Variants in DLG2 observed in about 807,000 individuals in gnomAD.
DLG2 encodes the protein discs large MAGUK scaffold protein 2.
A neutral mutation model predicts 132.5 loss-of-function variants in DLG2; 45 were observed. The ratio of observed to expected loss-of-function variants is 0.34; its 90% CI spans 0.27 to 0.44. The LOEUF (loss-of-function observed/expected upper bound fraction) is 0.44. Ranked by LOEUF, DLG2 falls within the 20% of genes least tolerant of loss-of-function variation. DLG2 has a pLI of 1.00. For missense variants in DLG2, 1,045 were observed against 1,196.9 expected (o/e 0.87, Z 1.87); for synonymous variants, 424 against 419.6 (o/e 1.01, Z -0.13).
At chr11:83,788,349 C>T (rs2153892866) in intron 17 of DLG2, among the ~76,000 whole-genome samples, 1 of 152,228 alleles carries the variant, frequency 6.6e-6, no homozygotes, top group African/African-American at 2.4e-5. Context: ...TGGTGAACTC[C>T]TTACAGAAAG....
intron 3 of DLG2, among the ~76,000 whole-genome samples, chr11:85,534,309 A>G (rs1435499862): frequency 1.3e-5 from 2 of 152,206 alleles, no homozygotes; most frequent in African/African-American, 4.8e-5. Context: ...TTAACTAAAA[A>G]AAGGTCTTTT....
chr11:85,424,061 C>A (rs1210581777), intron 3 of DLG2, among the ~76,000 whole-genome samples: 1 of 152,148 alleles, frequency 6.6e-6, no homozygotes, highest in Non-Finnish European at 1.5e-5. Context: ...CCCCATGAGG[C>A]CAGGCAAAAA....
intron 5 of DLG2, chr11:85,133,056 C>A (rs2075855529): frequency 2.9e-6 from 1 of 343,610 alleles, no homozygotes; most frequent in African/African-American, 2.1e-5. Context: ...GGCTCCGTGG[C>A]TGCATGGTCT....
chr11:83,683,407 G>A (rs1262877407), intron 18 of DLG2, among the ~76,000 whole-genome samples: 1 of 152,096 alleles, frequency 6.6e-6, no homozygotes, highest in African/African-American at 2.4e-5. Context: ...ACGCAATTTA[G>A]TTTCAAAGCC....
chr11:84,341,145 T>C (rs554181739), intron 7 of DLG2, among the ~76,000 whole-genome samples: 7 of 152,246 alleles, frequency 4.6e-5, no homozygotes, highest in African/African-American at 1.4e-4. Flanking sequence ...TGTGAGATCA[T>C]TACTTCTCTG....
chr11:83,578,951 A>T (rs535809), intron 19 of DLG2, among the ~76,000 whole-genome samples: 1 of 151,974 alleles, frequency 6.6e-6, no homozygotes, highest in Admixed American at 6.5e-5. Context: ...AGCATTCAAG[A>T]CCTGCCTAGT....
chr11:85,052,532 T>C (rs1321253538), intron 6 of DLG2, among the ~76,000 whole-genome samples: 2 of 152,188 alleles, frequency 1.3e-5, no homozygotes, highest in East Asian at 1.9e-4. Flanking sequence ...AACTTGGTAA[T>C]GAATTTATAA....
At chr11:84,581,160 C>G (rs188974852) in intron 6 of DLG2, among the ~76,000 whole-genome samples, 100 of 152,222 alleles carry the variant, frequency 6.6e-4, no homozygotes, top group African/African-American at 2.4e-3. Context: ...ACCACATAGG[C>G]AAACAATAAT....
At chr11:84,541,985 C>T (rs1455066076) in intron 6 of DLG2, among the ~76,000 whole-genome samples, 1 of 152,122 alleles carries the variant, frequency 6.6e-6, no homozygotes, top group Non-Finnish European at 1.5e-5. Context: ...TGGAAGATGG[C>T]ATTTTGCTGG....
intron 7 of DLG2, among the ~76,000 whole-genome samples, chr11:84,438,455 A>T (rs2099007628): frequency 6.6e-6 from 1 of 150,590 alleles, no homozygotes; most frequent in African/African-American, 2.5e-5. Context: ...AGAGCAAACT[A>T]CTCTTTTTAA....
At position 85,020,970 on chromosome 11, in the gene DLG2, G is replaced by A. The variant is rs1400207215; in HGVS notation, c.357+90691C>T. On this transcript the variant is annotated intron_variant, in intron 6 of 27. Transcript: ENST00000376104. ...CACATTAGTCTCATCTTTCTTCACG[G>A]AGCTGCTGCTCTGCTCCTCTTCTGA... The A allele has an allele frequency of 6.4e-6, 5 of 778,138 alleles. No homozygotes were observed. The South Asian group carries it at 6.7e-5, about 10-fold the overall frequency. 48.2% of individuals were successfully genotyped at this position (778,138 alleles called of 1,614,324 possible).
chr11:84,037,384 T>C lies in DLG2; in HGVS notation c.919+21931A>G, dbSNP rs560361565. 3.9e-5 allele frequency among the ~76,000 whole-genome samples: 6 copies of C among 152,252 alleles called. No homozygotes were observed. The South Asian group carries it at 1.2e-3, about 32-fold the overall frequency. On this transcript the variant is annotated intron_variant, in intron 11 of 27. Transcript: ENST00000376104. ...AAAGAAGACAGCTAGTTGAAATTTCTAAAGACAAGACTCATAAAATAAAGT... is the reference window on the plus strand; with the variant it reads ...AAAGAAGACAGCTAGTTGAAATTTCCAAAGACAAGACTCATAAAATAAAGT...
At chr11:84,229,057 G>T (rs749815435) in intron 8 of DLG2, among the ~76,000 whole-genome samples, 1 of 152,106 alleles carries the variant, frequency 6.6e-6, no homozygotes, top group Non-Finnish European at 1.5e-5. Context: ...TAGATGCTGG[G>T]AATTATAATT....
rs776520040 is a variant in DLG2 at position 84,624,857 on chromosome 11, CTT to C, written c.358-90128_358-90127del. On this transcript the variant is annotated intron_variant, in intron 6 of 27. Transcript: ENST00000376104. The stretch of plus-strand genomic sequence containing the variant: ...AGTTACCTCTCAGAAGAGAGTCAAC[CTT>C]TTTTTTTTTTTTTTTTGAGACGGAG... Among the ~76,000 whole-genome samples, 15 of 76,162 alleles carry C rather than the reference CTT, an allele frequency of 2.0e-4. 1 individual carries two copies. Among genetic ancestry groups the C allele is most frequent in the African/African-American group, 8.2e-4 (7 of 8,544 alleles). 50.0% of individuals were successfully genotyped at this position (76,162 alleles called of 152,430 possible).
chr11:84,875,836 C>G (rs2086258933), intron 6 of DLG2, among the ~76,000 whole-genome samples: 2 of 152,094 alleles, frequency 1.3e-5, no homozygotes. Context: ...CTCCCAGGTT[C>G]AAGCGATTCT....
chr11:84,261,058 A>G (rs1458427201), intron 7 of DLG2, among the ~76,000 whole-genome samples: 1 of 152,228 alleles, frequency 6.6e-6, no homozygotes, highest in Non-Finnish European at 1.5e-5. Context: ...CTAAGCTACT[A>G]AAGAGCTATA....
intron 3 of DLG2, among the ~76,000 whole-genome samples, chr11:85,422,138 T>C (rs1308079233): frequency 2.0e-5 from 3 of 152,224 alleles, no homozygotes; most frequent in African/African-American, 7.2e-5. Flanking sequence ...ATCTTAACTT[T>C]AGATAACCTG....
chr11:85,011,663 T>C (rs1016660305), intron 6 of DLG2, among the ~76,000 whole-genome samples: 2 of 152,216 alleles, frequency 1.3e-5, no homozygotes, highest in African/African-American at 4.8e-5. Context: ...TCTTAATGAT[T>C]TCCTCTATAA....
At chr11:84,153,851 C>A (rs1566731492) in intron 9 of DLG2, among the ~76,000 whole-genome samples, 1 of 152,134 alleles carries the variant, frequency 6.6e-6, no homozygotes, top group Non-Finnish European at 1.5e-5. Flanking sequence ...TCATTAGGAA[C>A]TATTGTTGGG....
Sources: gnomAD v4.1 joint callset for allele counts (sites outside exome capture counted in the v4.1 genomes callset) on GRCh38, gnomAD v4.1.1 for gene constraint, MANE v1.5 for transcripts, NCBI Gene and HGNC (gene_info 2026-07-23, HGNC 2026-07-21) for gene names.